The following XYLT1 variants were observed in gnomAD, a reference collection of about 807,000 sequenced individuals.
The protein encoded by XYLT1 is xylosyltransferase 1, also known as beta-D-xylosyltransferase 1.
Under a neutral mutation model 91.3 loss-of-function variants are expected in XYLT1, and 36 were observed. That is an observed-to-expected ratio of 0.39 (90% CI 0.30 to 0.52). XYLT1 has a LOEUF of 0.52. XYLT1 is among the 20% of genes least tolerant of loss of function. The pLI is 0.68. For missense variants in XYLT1, 1,242 were observed against 1,284.5 expected, an observed-to-expected ratio of 0.97 and a Z score of 0.51; for synonymous variants, 588 against 532.0, an observed-to-expected ratio of 1.11 and a Z score of -1.45.
chr16:17,278,871 T>C (rs1367166860), intron 2 of XYLT1, among the ~76,000 whole-genome samples: 2 of 152,214 alleles, frequency 1.3e-5, no homozygotes, highest in African/African-American at 2.4e-5. Flanking sequence ...GCCTCATCTA[T>C]GCACAGGGAA....
chr16:17,190,508 T>A (rs949049370), intron 5 of XYLT1, among the ~76,000 whole-genome samples: 1 of 140,132 alleles, frequency 7.1e-6, no homozygotes. Flanking sequence ...AGTGTTCTCA[T>A]TGTTCAGTTC....
intron 3 of XYLT1, among the ~76,000 whole-genome samples, chr16:17,202,805 T>G (rs886801755): frequency 6.6e-6 from 1 of 152,084 alleles, no homozygotes; most frequent in African/African-American, 2.4e-5. Context: ...TGAGGGGCTA[T>G]TTTGGCCTTG....
chr16:17,305,484 C>T (rs530785441), intron 2 of XYLT1, among the ~76,000 whole-genome samples: 4 of 149,338 alleles, frequency 2.7e-5, no homozygotes, highest in Admixed American at 2.0e-4. Context: ...GGTGCGATCT[C>T]GGCTCACTGA....
intron 5 of XYLT1, among the ~76,000 whole-genome samples, chr16:17,178,124 G>A (rs1016743041): frequency 1.3e-5 from 2 of 152,140 alleles, no homozygotes; most frequent in African/African-American, 4.8e-5. Context: ...ACTCTGCGGG[G>A]CTGGATAGCC....
intron 1 of XYLT1, among the ~76,000 whole-genome samples, chr16:17,358,471 CA>C (rs1021727708): frequency 6.6e-6 from 1 of 152,100 alleles, no homozygotes; most frequent in African/African-American, 2.4e-5. Flanking sequence ...TTGATTTCCC[CA>C]GTGGTCAAGC....
At position 17,422,889 on chromosome 16, in the gene XYLT1, A is replaced by C. The variant is rs539193641; in HGVS notation, c.363+47545T>G. ...CTGCAAATAGTTGTATGATTTGTGT[A>C]CCGCAAAGTGGCAAATAGGGGCTGA... On this transcript the variant is annotated intron_variant, in intron 1 of 11. Transcript: ENST00000261381. 7.0e-4 allele frequency among the ~76,000 whole-genome samples: 106 copies of C among 152,278 alleles called. 1 individual carries two copies. Among genetic ancestry groups the C allele is most frequent in the African/African-American group, 2.5e-3 (103 of 41,558 alleles).
At chr16:17,217,571 C>T (rs1314123953) in intron 3 of XYLT1, among the ~76,000 whole-genome samples, 1 of 152,210 alleles carries the variant, frequency 6.6e-6, no homozygotes, top group East Asian at 1.9e-4. Context: ...TCCTTCCTCC[C>T]ACCCTCCTCC....
intron 10 of XYLT1, among the ~76,000 whole-genome samples, chr16:17,123,068 T>C (rs761027284): frequency 1.1e-3 from 168 of 152,194 alleles, no homozygotes; most frequent in Admixed American, 1.1e-3. Context: ...GGCTCTTTTT[T>C]AGTTCCATAT....
At position 17,301,393 on chromosome 16, in the gene XYLT1, C is replaced by T. The variant is rs150530578; in HGVS notation, c.403-41895G>A. On this transcript the variant is annotated intron_variant, in intron 2 of 11. Transcript: ENST00000261381. ...CCACTGTACTCCAGCCTGGGCAACA[C>T]AACACAACTCTGTCTCAAAATAATA... Among the ~76,000 whole-genome samples, 1,043 of 152,104 alleles carry T rather than the reference C, an allele frequency of 6.9e-3. 17 individuals are homozygous for T. The highest frequency in any genetic ancestry group is 0.024 in the African/African-American group (997 of 41,456).
intron 2 of XYLT1, among the ~76,000 whole-genome samples, chr16:17,278,857 T>C (rs557331705): frequency 1.3e-5 from 2 of 152,330 alleles, no homozygotes; most frequent in East Asian, 3.9e-4. Flanking sequence ...CTCTTCACTT[T>C]ACAGCCTCAT....
At position 17,410,449 on chromosome 16, in the gene XYLT1, C is replaced by T. The variant is rs570749508; in HGVS notation, c.364-52399G>A. ...CAGACAAGGGAAGAGAGAGCTTGTGCGGGAAATTTCCCTTTTCAAAACCAT... is the reference window on the plus strand; with the variant it reads ...CAGACAAGGGAAGAGAGAGCTTGTGTGGGAAATTTCCCTTTTCAAAACCAT... On this transcript the variant is annotated intron_variant, in intron 1 of 11. Transcript: ENST00000261381. Among the ~76,000 whole-genome samples, 13 of 152,212 alleles carry T rather than the reference C, an allele frequency of 8.5e-5. 1 individual carries two copies. Among genetic ancestry groups the T allele is most frequent in the African/African-American group, 2.4e-4 (10 of 41,520 alleles).
At chr16:17,389,342 C>A (rs1431709638) in intron 1 of XYLT1, among the ~76,000 whole-genome samples, 1 of 152,214 alleles carries the variant, frequency 6.6e-6, no homozygotes, top group Non-Finnish European at 1.5e-5. Flanking sequence ...ACCTCCCGGG[C>A]TCAAGTGATC....
rs1397583557 is a variant in XYLT1, at chr16:17,104,810, T to A, written c.*3885A>T. On this transcript the variant is annotated 3_prime_UTR_variant, in exon 12 of 12. Coordinates refer to ENST00000261381, the MANE Select transcript of XYLT1 (RefSeq NM_022166.4). The stretch of plus-strand genomic sequence containing the variant: ...CTGAGTAGCAGCTGCTCATTCTGGG[T>A]AGGTCACGTGCATGCCAGTAAGACC... 6.6e-6 allele frequency: 1 copy of A among 152,230 alleles called. No individual in the cohort carries two copies. Among genetic ancestry groups the A allele is most frequent in the Non-Finnish European group, 1.5e-5 (1 of 68,060 alleles). The allele number at this position is 152,230 out of a possible 1,614,324, so 9.4% of individuals were successfully genotyped here.
At chr16:17,117,274 T>C (rs546618626) in intron 11 of XYLT1, among the ~76,000 whole-genome samples, 80 of 152,172 alleles carry the variant, frequency 5.3e-4, no homozygotes, top group African/African-American at 1.9e-3. Flanking sequence ...TAGTGTATCA[T>C]ATTTTTGATG....
intron 3 of XYLT1, among the ~76,000 whole-genome samples, chr16:17,222,789 C>CAA (rs11358476): frequency 1.2e-3 from 83 of 71,154 alleles, no homozygotes; most frequent in African/African-American, 2.3e-3. Context: ...AACTCTGTCT[C>CAA]AAAAAAAAAA....
intron 2 of XYLT1, among the ~76,000 whole-genome samples, chr16:17,272,863 C>T (rs189011586): frequency 2.6e-5 from 4 of 152,280 alleles, no homozygotes; most frequent in African/African-American, 9.6e-5. Flanking sequence ...ATCTCAGAAC[C>T]CCAAAAGATC....
intron 1 of XYLT1, among the ~76,000 whole-genome samples, chr16:17,392,873 A>C (rs1036315538): frequency 6.6e-6 from 1 of 152,220 alleles, no homozygotes; most frequent in African/African-American, 2.4e-5. Context: ...ACTTTATCCC[A>C]TGTAAAATAC....
At chr16:17,306,729 A>G (rs2034477058) in intron 2 of XYLT1, among the ~76,000 whole-genome samples, 1 of 152,182 alleles carries the variant, frequency 6.6e-6, no homozygotes, top group Non-Finnish European at 1.5e-5. Context: ...CCCATTCATG[A>G]GGACATGAAT....
In XYLT1 at chr16:17,276,181, A is replaced by G. The variant is rs970850277; in HGVS notation, c.403-16683T>C. Among the ~76,000 whole-genome samples the G allele has an allele frequency of 4.6e-5, 7 of 152,198 alleles. No homozygotes were observed. In the East Asian group the frequency reaches 1.4e-3, roughly 29 times the overall value. The stretch of plus-strand genomic sequence containing the variant: ...AGGTACAAATGAATATGCTGCTGTC[A>G]CCCCCTAAATCTCCTTTATGAGCAT... On this transcript the variant is annotated intron_variant, in intron 2 of 11. Coordinates refer to ENST00000261381, the MANE Select transcript of XYLT1 (RefSeq NM_022166.4).
Sources: gnomAD v4.1 joint callset for allele counts (sites outside exome capture counted in the v4.1 genomes callset) on GRCh38, gnomAD v4.1.1 for gene constraint, MANE v1.5 for transcripts, NCBI Gene and HGNC (gene_info 2026-07-23, HGNC 2026-07-21) for gene names.